The following ZNF75A variants were observed in gnomAD, a reference collection of about 807,000 sequenced individuals.
The protein encoded by ZNF75A is zinc finger protein 75A.
A neutral mutation model predicts 46.3 loss-of-function variants in ZNF75A; 36 were observed. That is an observed-to-expected ratio of 0.78 (90% CI 0.60 to 1.03). ZNF75A has a LOEUF of 1.03. Ranked by LOEUF, ZNF75A falls within the 50% of genes least tolerant of loss-of-function variation. ZNF75A has a pLI of 0.00. For synonymous variants in ZNF75A, 234 were observed against 189.9 expected, an observed-to-expected ratio of 1.23 and a Z score of -1.91; for missense variants, 595 against 551.3, an observed-to-expected ratio of 1.08 and a Z score of -0.79.
intron 2 of ZNF75A, chr16:3,310,517 C>G (rs1349734075): frequency 4.2e-6 from 1 of 238,786 alleles, no homozygotes; most frequent in East Asian, 1.8e-4. Flanking sequence ...CCCAGCCACT[C>G]GGGAGGCTGA....
At position 3,315,106 on chromosome 16, in the gene ZNF75A, A is replaced by G. The variant is rs1352324499; in HGVS notation, c.824-1806A>G. ...GATCCCTTCCCTTTCCCTTTCCCCAAACCTTCTCCATCATGTTTTTCCCAT... is the reference window on the plus strand; with the variant it reads ...GATCCCTTCCCTTTCCCTTTCCCCAGACCTTCTCCATCATGTTTTTCCCAT... On this transcript the variant is annotated intron_variant, in intron 5 of 6. Coordinates refer to ENST00000669516, the MANE Select transcript of ZNF75A (RefSeq NM_001302109.2). 7 of 984,336 alleles carry G rather than the reference A, an allele frequency of 7.1e-6. No individual in the cohort carries two copies. The African/African-American group carries it at 1.1e-4, about 15-fold the overall frequency. The allele number at this position is 984,336 out of a possible 1,614,324, so 61.0% of individuals were successfully genotyped here. A position where few individuals can be genotyped will look rare whatever the true frequency, so the allele number is the denominator to read the frequency against.
In ZNF75A at chr16:3,311,853, T is replaced by C. The variant is rs1438220937; in HGVS notation, c.509T>C (p.Val170Ala). The C allele has an allele frequency of 9.6e-7, 1 of 1,037,134 alleles. No individual in the cohort carries two copies. Among genetic ancestry groups the C allele is most frequent in the Non-Finnish European group, 1.2e-6 (1 of 856,534 alleles). 64.2% of individuals were successfully genotyped at this position (1,037,134 alleles called of 1,614,324 possible). ...CCAACAGAGTCCCAACCAGTGGGCGTATCCCAAGATGAAGAATTTTGGAAT... is the reference window on the plus strand; with the variant it reads ...CCAACAGAGTCCCAACCAGTGGGCGCATCCCAAGATGAAGAATTTTGGAAT... Reference protein sequence around the residue: ...LKPTESQPVGVSQDEEFWNTY... With the variant: ...LKPTESQPVGASQDEEFWNTY... Residue 170 changes from valine (V) to alanine (A), a missense_variant, in exon 3 of 7, where the codon GTA becomes GCA. Val to Ala is a moderately conservative substitution (Grantham distance 64, BLOSUM62 0). Transcript: ENST00000669516.
chr16:3,309,311 C>G (rs1960532858), intron 2 of ZNF75A: 1 of 151,806 alleles, frequency 6.6e-6, no homozygotes, highest in Non-Finnish European at 1.5e-5. Context: ...AACAAATTAG[C>G]TGGGCATGAT....
At chr16:3,319,804 T>TA (rs974560417), downstream of ZNF75A, among the ~76,000 whole-genome samples, 6 of 150,806 alleles carry the variant, frequency 4.0e-5, no homozygotes, top group Non-Finnish European at 8.9e-5. Flanking sequence ...TTTATTTTTT[T>TA]TTTTATTTTT....
At chr16:3,314,583 T>C (rs1961055649) in intron 5 of ZNF75A, among the ~76,000 whole-genome samples, 1 of 152,212 alleles carries the variant, frequency 6.6e-6, no homozygotes, top group Non-Finnish European at 1.5e-5. Context: ...GCTGATCCCT[T>C]GGCTCCTTTT....
Position 3,318,346 on chromosome 16 carries a change from C to G in ZNF75A, c.*477C>G. The G allele has an allele frequency of 2.0e-6, 2 of 988,480 alleles. No individual in the cohort carries two copies. The highest frequency in any genetic ancestry group is 9.3e-5 in the South Asian group (2 of 21,522). 61.2% of individuals were successfully genotyped at this position (988,480 alleles called of 1,614,324 possible). On this transcript the variant is annotated 3_prime_UTR_variant, in exon 7 of 7. Coordinates refer to ENST00000669516, the MANE Select transcript of ZNF75A (RefSeq NM_001302109.2). ...TCCTTCTTAAACTTTTCGGCAACTTCTCTTGGATCCTGTTATCACAGTTTT... is the reference window on the plus strand; with the variant it reads ...TCCTTCTTAAACTTTTCGGCAACTTGTCTTGGATCCTGTTATCACAGTTTT...
intron 6 of ZNF75A, 58 bp from the exon 7 acceptor site, chr16:3,317,132 T>C: frequency 6.4e-7 from 1 of 1,551,604 alleles, no homozygotes; most frequent in East Asian, 2.2e-5. Context: ...TTTTTCTTTT[T>C]ATTCCTGTGA....
intron 1 of ZNF75A, chr16:3,306,277 G>T (rs1010791705): frequency 1.3e-5 from 2 of 152,000 alleles, no homozygotes; most frequent in African/African-American, 2.4e-5. Flanking sequence ...ACCAACTCCT[G>T]TTGGAGTTGA....
chr16:3,307,534 T>G (rs1960383008), intron 1 of ZNF75A: 1 of 152,152 alleles, frequency 6.6e-6, no homozygotes, highest in Admixed American at 6.5e-5. Context: ...GTTTTTAAAT[T>G]AGAGACAAAG....
At chr16:3,307,915 G>A (rs899258813) in intron 1 of ZNF75A, 10 of 152,104 alleles carry the variant, frequency 6.6e-5, no homozygotes, top group African/African-American at 2.4e-4. Context: ...GAGACAGACT[G>A]GGATGATCTG....
Position 3,315,369 on chromosome 16 carries a change from A to G in ZNF75A, c.824-1543A>G, listed in dbSNP as rs927619827. The stretch of plus-strand genomic sequence containing the variant: ...ACCATGCCCAGCTAATTTTTTTTGT[A>G]TTTTTTTAGTAGAGATAGGGTTTCA... On this transcript the variant is annotated intron_variant, in intron 5 of 6. Transcript: ENST00000669516. Among the ~76,000 whole-genome samples, 9 of 150,922 alleles carry G rather than the reference A, an allele frequency of 6.0e-5. No homozygotes were observed. In the East Asian group the frequency reaches 1.7e-3, roughly 29 times the overall value.
At chr16:3,307,413 C>G (rs890550738) in intron 1 of ZNF75A, 2 of 152,164 alleles carry the variant, frequency 1.3e-5, no homozygotes, top group African/African-American at 4.8e-5. Flanking sequence ...GAACTTACCC[C>G]CCTTGGAGAA....
At chr16:3,319,001 A>G (rs542024801), downstream of ZNF75A, 7 of 282,406 alleles carry the variant, frequency 2.5e-5, no homozygotes, top group East Asian at 8.7e-4. Context: ...TGTATAGCCT[A>G]TGGATTTTCT....
intron 1 of ZNF75A, chr16:3,306,991 G>A (rs1184788031): frequency 6.9e-6 from 1 of 144,836 alleles, no homozygotes; most frequent in Non-Finnish European, 1.5e-5. Context: ...TCGTTTTGCT[G>A]CCCTGGCTGG....
downstream of ZNF75A, among the ~76,000 whole-genome samples, chr16:3,320,913 T>G (rs2029915924): frequency 6.6e-6 from 1 of 152,136 alleles, no homozygotes; most frequent in Non-Finnish European, 1.5e-5. Flanking sequence ...GGGGAGAAAC[T>G]TGGGCAGGGA....
chr16:3,314,210 C>G (rs1213990223), intron 5 of ZNF75A, among the ~76,000 whole-genome samples: 1 of 152,146 alleles, frequency 6.6e-6, no homozygotes, highest in African/African-American at 2.4e-5. Flanking sequence ...GGTGTCCTAT[C>G]TTTCCAGAAA....
downstream of ZNF75A, chr16:3,323,318 T>A (rs2030012139): frequency 9.3e-7 from 1 of 1,072,654 alleles, no homozygotes; most frequent in Admixed American, 1.7e-5. Flanking sequence ...AAAAGAACCA[T>A]GAGATCTCCT....
intron 2 of ZNF75A, 196 bp downstream of exon 2, chr16:3,309,032 T>C (rs559127504): frequency 4.0e-4 from 68 of 171,490 alleles, no homozygotes; most frequent in African/African-American, 1.6e-3. Flanking sequence ...TGGTAGATAC[T>C]TCCCTGGCCT....
downstream of ZNF75A, among the ~76,000 whole-genome samples, chr16:3,320,301 C>T (rs1429596015): frequency 2.6e-5 from 4 of 152,244 alleles, no homozygotes; most frequent in East Asian, 5.8e-4. Flanking sequence ...GCCTCGGCCT[C>T]CCAAAGTGCC....
Sources: allele counts gnomAD v4.1 joint callset (sites outside exome capture counted in the v4.1 genomes callset), GRCh38; gene constraint gnomAD v4.1.1; transcripts MANE v1.5; gene names NCBI Gene and HGNC (gene_info 2026-07-23, HGNC 2026-07-21).